Variants in DMD observed in about 807,000 individuals in gnomAD.
The protein encoded by DMD is dystrophin.
DMD carries 63 observed loss-of-function variants against 330.1 expected under a neutral mutation model. That is an observed-to-expected ratio of 0.19 (90% confidence interval 0.16 to 0.24). The LOEUF (loss-of-function observed/expected upper bound fraction) is 0.24. Ranked by LOEUF, DMD falls within the 10% of genes least tolerant of loss-of-function variation. The pLI is 1.00. For synonymous variants in DMD, 1,223 were observed against 959.8 expected (o/e 1.27, Z -5.07); for missense variants, 3,344 against 2,684.1 (o/e 1.25, Z -5.43).
At chrX:31,460,860 G>T (rs1251691485) in intron 59 of DMD, among the ~76,000 whole-genome samples, 3 of 111,820 alleles carry the variant, frequency 2.7e-5, no homozygotes, top group African/African-American at 9.8e-5. Context: ...GGGATTACAG[G>T]CGTGAGCCAC....
At position 32,232,997 on chromosome X, in the gene DMD, G is replaced by A. The variant is rs776136008; in HGVS notation, c.6291-15934C>T. ...AATGCTTCCTAAACGTGTATGAAGC[G>A]TATGTGTTTGTACATTTTATTTCAC... On this transcript the variant is annotated intron_variant, in intron 43 of 78. Transcript: ENST00000357033. Among the ~76,000 whole-genome samples the A allele has an allele frequency of 1.2e-4, 14 of 112,411 alleles. No homozygotes were observed. The South Asian group carries it at 1.5e-3, about 12-fold the overall frequency.
chrX:31,683,011 C>T (rs759391838), intron 52 of DMD, among the ~76,000 whole-genome samples: 146 of 112,106 alleles, frequency 1.3e-3, no homozygotes, highest in Non-Finnish European at 2.2e-3. Context: ...GATTTGAATG[C>T]TTGCTCAATA....
chrX:32,200,414 T>C (rs2097029190), intron 44 of DMD, among the ~76,000 whole-genome samples: 1 of 108,719 alleles, frequency 9.2e-6, no homozygotes, highest in African/African-American at 3.3e-5. Context: ...TTACATGTAA[T>C]TTCATATTAT....
chrX:32,493,462 C>T (rs112583843), intron 19 of DMD, among the ~76,000 whole-genome samples: 1 of 111,537 alleles, frequency 9.0e-6, no homozygotes, highest in African/African-American at 3.3e-5. Context: ...AAAAGAAGTC[C>T]GTGGCCTACA....
chrX:32,770,985 G>A (rs923290312), intron 7 of DMD, among the ~76,000 whole-genome samples: 12 of 111,506 alleles, frequency 1.1e-4, no homozygotes, highest in African/African-American at 3.6e-4. Context: ...GTTGAATCCT[G>A]TGATGACTCT....
chrX:32,550,894 G>A (rs2049483516), intron 16 of DMD, among the ~76,000 whole-genome samples: 1 of 110,835 alleles, frequency 9.0e-6, no homozygotes, highest in Non-Finnish European at 1.9e-5. Context: ...TAGAAGCAAT[G>A]GATAAATTGC....
chrX:33,210,283 C>T (rs1467503855), intron 1 of DMD, among the ~76,000 whole-genome samples: 1 of 109,501 alleles, frequency 9.1e-6, no homozygotes, highest in Non-Finnish European at 1.9e-5. Context: ...TTTATTTTTT[C>T]ATTCTTAATT....
At chrX:31,421,966 T>C (rs1340065662) in intron 60 of DMD, among the ~76,000 whole-genome samples, 3 of 69,924 alleles carry the variant, frequency 4.3e-5, no homozygotes, top group Admixed American at 1.5e-4. Flanking sequence ...TATACACATA[T>C]ATATATACAC....
chrX:32,523,371 A>C (rs2046625636), intron 17 of DMD, among the ~76,000 whole-genome samples: 1 of 111,862 alleles, frequency 8.9e-6, no homozygotes, highest in Admixed American at 9.4e-5. Flanking sequence ...CCTCTCCTCC[A>C]AAGCCAACCA....
At chrX:32,698,266 C>T in intron 8 of DMD, among the ~76,000 whole-genome samples, 1 of 111,273 alleles carries the variant, frequency 9.0e-6, no homozygotes, top group East Asian at 2.8e-4. Flanking sequence ...ACAACTCCAA[C>T]ATTTATATGG....
chrX:31,492,885 G>A (rs1052920762), intron 57 of DMD, among the ~76,000 whole-genome samples: 10 of 108,875 alleles, frequency 9.2e-5, no homozygotes, highest in African/African-American at 3.4e-4. Context: ...GGGGGTGGGG[G>A]GCTAGGGGAG....
intron 55 of DMD, among the ~76,000 whole-genome samples, chrX:31,599,224 C>A (rs1416337527): frequency 2.7e-5 from 3 of 112,024 alleles, no homozygotes; most frequent in Non-Finnish European, 5.6e-5. Flanking sequence ...TAGTGAGAGG[C>A]ATCCTTGAAT....
chrX:32,539,188 T>TA (rs1208602960), intron 17 of DMD, among the ~76,000 whole-genome samples: 4 of 102,772 alleles, frequency 3.9e-5, no homozygotes, highest in African/African-American at 1.4e-4. Context: ...TTTTTTTTTT[T>TA]AACAAAAAAT....
At chrX:31,976,043 A>G (rs2095433604) in intron 44 of DMD, among the ~76,000 whole-genome samples, 1 of 110,725 alleles carries the variant, frequency 9.0e-6, no homozygotes, top group South Asian at 3.8e-4. Flanking sequence ...GGAAGGTGCT[A>G]GTCATCATTC....
intron 55 of DMD, among the ~76,000 whole-genome samples, chrX:31,542,827 C>A (rs1172539571): frequency 8.9e-6 from 1 of 112,905 alleles, no homozygotes; most frequent in Non-Finnish European, 1.9e-5. Flanking sequence ...ATGCAGCAAG[C>A]TAGTTGAGCA....
Position 33,211,320 on chromosome X carries a change from A to T in DMD, c.-8T>A, listed in dbSNP as rs113726961. The T allele has an allele frequency of 4.5e-3, 5,422 of 1,206,900 alleles. 158 individuals carry two copies. The African/African-American group carries it at 0.08, about 18-fold the overall frequency. On this transcript the variant is annotated 5_prime_UTR_variant, in exon 1 of 79. Transcript: ENST00000357033. The stretch of plus-strand genomic sequence containing the variant: ...TTCTTCCCACCAAAGCATTTTGAAA[A>T]GTGTATATCAAGGCAGCGATAAAAA...
intron 59 of DMD, among the ~76,000 whole-genome samples, chrX:31,457,705 C>T (rs766736557): frequency 4.5e-5 from 5 of 111,659 alleles, no homozygotes; most frequent in Non-Finnish European, 7.5e-5. Flanking sequence ...GTGAGTTACC[C>T]GTGCAATATG....
intron 67 of DMD, among the ~76,000 whole-genome samples, chrX:31,199,107 C>T (rs1380950241): frequency 3.6e-5 from 4 of 111,851 alleles, no homozygotes; most frequent in Non-Finnish European, 7.5e-5. Flanking sequence ...AGGAGAGGTG[C>T]AGAAAATCCT....
chrX:31,616,428 G>C (rs2078205201), intron 55 of DMD, among the ~76,000 whole-genome samples: 1 of 111,766 alleles, frequency 8.9e-6, no homozygotes, highest in Non-Finnish European at 1.9e-5. Context: ...GCATTGAGAG[G>C]TAAAATAAGA....
Sources: gnomAD v4.1 joint callset for allele counts (sites outside exome capture counted in the v4.1 genomes callset) on GRCh38, gnomAD v4.1.1 for gene constraint, MANE v1.5 for transcripts, NCBI Gene and HGNC (gene_info 2026-07-23, HGNC 2026-07-21) for gene names.